NLGN4X: variants seen among roughly 807,000 people sequenced by gnomAD.
NLGN4X encodes neuroligin-4, X-linked.
NLGN4X carries 3 observed loss-of-function variants against 40.3 expected under a neutral mutation model. The observed-to-expected ratio is 0.07, with a 90% CI of 0.03 to 0.19. NLGN4X has a LOEUF of 0.19. NLGN4X is among the 10% of genes least tolerant of loss of function. The probability of loss-of-function intolerance (pLI) is 1.00; values close to 1 mark genes in which losing one functional copy is unlikely to be tolerated. For synonymous variants in NLGN4X, 270 were observed against 306.8 expected (o/e 0.88, Z 1.25); for missense variants, 382 against 708.3 (o/e 0.54, Z 5.23).
chrX:6,116,391 C>T (rs867559102), intron 2 of NLGN4X, among the ~76,000 whole-genome samples: 170 of 22,279 alleles, frequency 7.6e-3, no homozygotes, highest in African/African-American at 0.027. Flanking sequence ...ACCTTTCTTT[C>T]TTTTTTTTTT....
intron 2 of NLGN4X, among the ~76,000 whole-genome samples, chrX:6,126,286 C>A: frequency 8.9e-6 from 1 of 111,824 alleles, no homozygotes; most frequent in Middle Eastern, 4.6e-3. Flanking sequence ...CCTGTAAAAT[C>A]ATGAATGGGA....
chrX:5,960,891 C>T (rs1198876428), intron 3 of NLGN4X, among the ~76,000 whole-genome samples: 3 of 111,916 alleles, frequency 2.7e-5, no homozygotes, highest in Non-Finnish European at 5.6e-5. Flanking sequence ...CCATATTTTC[C>T]ATAACTTACA....
At chrX:6,144,695 T>C (rs1425822987) in intron 2 of NLGN4X, among the ~76,000 whole-genome samples, 1 of 111,875 alleles carries the variant, frequency 8.9e-6, no homozygotes, top group African/African-American at 3.2e-5. Flanking sequence ...TGATCTCCTT[T>C]TGAGTCTTCT....
chrX:6,041,751 A>G (rs1035970746), intron 2 of NLGN4X, among the ~76,000 whole-genome samples: 2 of 112,722 alleles, frequency 1.8e-5, no homozygotes, highest in African/African-American at 6.4e-5. Flanking sequence ...GACTACCAAA[A>G]TATTCAGCAC....
At chrX:5,933,269 A>G (rs1468110811) in intron 3 of NLGN4X, among the ~76,000 whole-genome samples, 1 of 111,749 alleles carries the variant, frequency 8.9e-6, no homozygotes, top group Non-Finnish European at 1.9e-5. Flanking sequence ...AGCACAACCA[A>G]TAACTATAAT....
intron 3 of NLGN4X, among the ~76,000 whole-genome samples, chrX:5,968,457 C>CTCTCTGTGTGTGTG (rs1192942244): frequency 2.1e-4 from 10 of 47,022 alleles, no homozygotes; most frequent in East Asian, 1.2e-3. Context: ...CTCTCTCTCT[C>CTCTCTGTGTGTGTG]TGTGTGTGTG....
chrX:6,067,741 CACTT>C (rs1183136573), intron 2 of NLGN4X, among the ~76,000 whole-genome samples: 2 of 110,995 alleles, frequency 1.8e-5, no homozygotes, highest in Non-Finnish European at 3.8e-5. Context: ...TGCTTGCAAA[CACTT>C]AAAACAGATG....
At chrX:6,020,392 TA>T (rs2036500875) in intron 3 of NLGN4X, among the ~76,000 whole-genome samples, 1 of 111,456 alleles carries the variant, frequency 9.0e-6, no homozygotes, top group South Asian at 3.7e-4. Context: ...ATGTGGAATC[TA>T]AAAAAAAGTC....
At chrX:6,023,930 T>C (rs2036615518) in intron 3 of NLGN4X, among the ~76,000 whole-genome samples, 1 of 111,099 alleles carries the variant, frequency 9.0e-6, no homozygotes, top group Non-Finnish European at 1.9e-5. Context: ...GGTATTTCCA[T>C]CAAAAAGCAT....
At chrX:6,036,600 T>C (rs2037011178) in intron 2 of NLGN4X, among the ~76,000 whole-genome samples, 1 of 77,145 alleles carries the variant, frequency 1.3e-5, no homozygotes, top group African/African-American at 5.0e-5. Context: ...AAACCCAGCT[T>C]GTGGCTGGCG....
intron 3 of NLGN4X, among the ~76,000 whole-genome samples, chrX:6,025,541 T>C (rs2036666881): frequency 8.9e-6 from 1 of 111,972 alleles, no homozygotes; most frequent in Admixed American, 9.5e-5. Context: ...GTAGTGTGAC[T>C]GGGTATAATG....
intron 2 of NLGN4X, among the ~76,000 whole-genome samples, chrX:6,036,643 C>CACACACACACACACACAA (rs1177520572): frequency 9.1e-6 from 1 of 109,320 alleles, no homozygotes; most frequent in African/African-American, 3.3e-5. Context: ...CACACACACA[C>CACACACACACACACACAA]AGCCCAAATA....
At chrX:6,158,357 T>C (rs189465676) in intron 1 of NLGN4X, among the ~76,000 whole-genome samples, 1 of 112,069 alleles carries the variant, frequency 8.9e-6, no homozygotes, top group African/African-American at 3.2e-5. Context: ...GATAACTAGA[T>C]CATTACTTTT....
intron 3 of NLGN4X, among the ~76,000 whole-genome samples, chrX:5,965,721 A>G (rs1419981841): frequency 2.7e-5 from 3 of 111,860 alleles, no homozygotes; most frequent in Non-Finnish European, 5.6e-5. Context: ...GATAAAATAG[A>G]AGCTGGAACT....
At chrX:6,164,200 G>T (rs1463330435) in intron 1 of NLGN4X, among the ~76,000 whole-genome samples, 1 of 112,691 alleles carries the variant, frequency 8.9e-6, no homozygotes, top group Non-Finnish European at 1.9e-5. Context: ...TTTCTGAAAA[G>T]GTATCACAAC....
intron 3 of NLGN4X, among the ~76,000 whole-genome samples, chrX:5,952,066 C>T (rs1042493591): frequency 4.5e-5 from 5 of 111,846 alleles, no homozygotes; most frequent in African/African-American, 1.6e-4. Context: ...TTTTTAGAAA[C>T]ATTAGGAATA....
At chrX:5,999,449 T>A (rs993217145) in intron 3 of NLGN4X, among the ~76,000 whole-genome samples, 14 of 112,397 alleles carry the variant, frequency 1.2e-4, no homozygotes, top group African/African-American at 4.2e-4. Flanking sequence ...ATAAGTATGA[T>A]AACTTTGGCT....
chrX:6,011,366 A>AATATATATATATAT (rs10584166), intron 3 of NLGN4X, among the ~76,000 whole-genome samples: 93 of 101,442 alleles, frequency 9.2e-4, no homozygotes, highest in African/African-American at 3.1e-3. Context: ...CAAATTCAGA[A>AATATATATATATAT]ATATATATAT....
At chrX:6,050,158 G>T (rs1472104417) in intron 2 of NLGN4X, among the ~76,000 whole-genome samples, 1 of 111,830 alleles carries the variant, frequency 8.9e-6, no homozygotes, top group Non-Finnish European at 1.9e-5. Flanking sequence ...AAGACCCAGT[G>T]TTGCCCTCAG....
Sources: gnomAD v4.1 joint callset for allele counts (sites outside exome capture counted in the v4.1 genomes callset) on GRCh38, gnomAD v4.1.1 for gene constraint, MANE v1.5 for transcripts, NCBI Gene and HGNC (gene_info 2026-07-23, HGNC 2026-07-21) for gene names.